The following ANK2 variants were observed in gnomAD, a reference collection of about 807,000 sequenced individuals.
The protein encoded by ANK2 is ankyrin 2.
A neutral mutation model predicts 360.5 loss-of-function variants in ANK2; 83 were observed. The observed-to-expected ratio is 0.23, with a 90% CI of 0.19 to 0.28. The LOEUF is 0.28. ANK2 is among the 10% of genes least tolerant of loss of function. The probability of loss-of-function intolerance (pLI) is 1.00; values close to 1 mark genes in which losing one functional copy is unlikely to be tolerated. For missense variants in ANK2, 4,201 were observed against 4,795.7 expected (o/e 0.88, Z 3.66); for synonymous variants, 1,740 against 1,759.5 (o/e 0.99, Z 0.28).
chr4:113,249,229 C>G (rs193143338), intron 9 of ANK2, among the ~76,000 whole-genome samples: 31 of 152,234 alleles, frequency 2.0e-4, no homozygotes, highest in Middle Eastern at 6.8e-3. Flanking sequence ...TGATGCTTCA[C>G]TTTTGCAAGC....
chr4:113,139,530 A>G (rs1215818321), intron 1 of ANK2, among the ~76,000 whole-genome samples: 1 of 152,174 alleles, frequency 6.6e-6, no homozygotes, highest in African/African-American at 2.4e-5. Context: ...TTCTGTACAC[A>G]CATATTTGTC....
intron 2 of ANK2, among the ~76,000 whole-genome samples, chr4:112,953,943 C>T (rs72892499): frequency 0.07 from 10,612 of 151,522 alleles, 532 homozygotes; most frequent in African/African-American, 0.14. Context: ...CTCTGTCTCC[C>T]CCCGCCCCCG....
chr4:113,332,159 C>CA, intron 28 of ANK2, 89 bp downstream of exon 28: 4 of 1,136,628 alleles, frequency 3.5e-6, no homozygotes, highest in Non-Finnish European at 5.4e-6. Flanking sequence ...TGTCATTGTG[C>CA]CCATGACATG....
chr4:112,719,524 C>G, the ANK2 span, among the ~76,000 whole-genome samples: 1 of 151,872 alleles, frequency 6.6e-6, no homozygotes, highest in Non-Finnish European at 1.5e-5. Flanking sequence ...GTCAGGAGAT[C>G]GAGACCATCC....
At chr4:112,927,075 C>T (rs962147016) in intron 2 of ANK2, among the ~76,000 whole-genome samples, 1 of 152,104 alleles carries the variant, frequency 6.6e-6, no homozygotes, top group Non-Finnish European at 1.5e-5. Flanking sequence ...CTCATTATTA[C>T]AAGAATAGCA....
chr4:113,149,749 G>A (rs2096966675), intron 1 of ANK2, among the ~76,000 whole-genome samples: 4 of 150,960 alleles, frequency 2.6e-5, no homozygotes, highest in South Asian at 2.1e-4. Flanking sequence ...GGTGGCACAC[G>A]CCCATGGTCC....
intron 22 of ANK2, among the ~76,000 whole-genome samples, chr4:113,296,644 A>T (rs541682831): frequency 1.3e-5 from 2 of 152,154 alleles, no homozygotes; most frequent in Non-Finnish European, 2.9e-5. Flanking sequence ...TGTTTCCTTA[A>T]CCTTTGCTTT....
At chr4:112,833,963 A>G (rs1221422330) in intron 1 of ANK2, among the ~76,000 whole-genome samples, 1 of 152,226 alleles carries the variant, frequency 6.6e-6, no homozygotes, top group Admixed American at 6.5e-5. Flanking sequence ...TTGTATGACT[A>G]TATATACATA....
intron 1 of ANK2, among the ~76,000 whole-genome samples, chr4:112,863,524 T>G (rs2150132880): frequency 7.2e-6 from 1 of 139,624 alleles, no homozygotes; most frequent in African/African-American, 2.7e-5. Context: ...CTTTTTTTTT[T>G]TTTTTTTTTT....
chr4:112,821,153 G>T (rs2149519884), intron 1 of ANK2, among the ~76,000 whole-genome samples: 1 of 152,078 alleles, frequency 6.6e-6, no homozygotes, highest in South Asian at 2.1e-4. Context: ...GACCTCAGGT[G>T]ATCCGCCCGC....
chr4:112,777,241 T>G, the ANK2 span, among the ~76,000 whole-genome samples: 2 of 152,138 alleles, frequency 1.3e-5, no homozygotes, highest in Non-Finnish European at 2.9e-5. Context: ...TTTATTTATT[T>G]ATTTATTTAT....
At chr4:112,843,298 A>G (rs940772204) in intron 1 of ANK2, among the ~76,000 whole-genome samples, 2 of 152,200 alleles carry the variant, frequency 1.3e-5, no homozygotes, top group Non-Finnish European at 2.9e-5. Context: ...TTTATATTAA[A>G]TTAGCACTTC....
In ANK2 at chr4:113,207,686, CAAA is replaced by C. The variant is rs34818513; in HGVS notation, c.384+8595_384+8597del. The stretch of plus-strand genomic sequence containing the variant: ...ATCCTTTGAGGCAAGGATCACAAAG[CAAA>C]AAAAAAAAAAAAAAAAAGAAGAAGT... On this transcript the variant is annotated intron_variant, in intron 4 of 45. Transcript: ENST00000357077. Among the ~76,000 whole-genome samples, 345 of 101,610 alleles carry C rather than the reference CAAA, an allele frequency of 3.4e-3. 2 individuals are homozygous for C. Among genetic ancestry groups the C allele is most frequent in the African/African-American group, 0.011 (309 of 28,814 alleles). 66.7% of individuals were successfully genotyped at this position (101,610 alleles called of 152,430 possible).
chr4:113,122,854 A>G (rs1040428501), intron 1 of ANK2, among the ~76,000 whole-genome samples: 2 of 151,824 alleles, frequency 1.3e-5, no homozygotes, highest in African/African-American at 4.8e-5. Context: ...CTTTAAATAA[A>G]TGACTTGCAT....
In ANK2 at chr4:113,130,221, C is replaced by T. The variant is rs532813736; in HGVS notation, c.85-44195C>T. 2.4e-4 allele frequency among the ~76,000 whole-genome samples: 36 copies of T among 152,272 alleles called. 1 individual carries two copies. In the South Asian group the frequency reaches 7.3e-3, roughly 31 times the overall value. ...AGTTGCTCTCCACATACAGATAGAACCCTACACCTAACGAATCTCTCCCTT... is the reference window on the plus strand; with the variant it reads ...AGTTGCTCTCCACATACAGATAGAATCCTACACCTAACGAATCTCTCCCTT... On this transcript the variant is annotated intron_variant, in intron 1 of 45. Coordinates refer to ENST00000357077, the MANE Select transcript of ANK2 (RefSeq NM_001148.6).
Position 113,167,819 on chromosome 4 carries a change from G to A in ANK2, c.85-6597G>A, listed in dbSNP as rs143528277. On this transcript the variant is annotated intron_variant, in intron 1 of 45. Coordinates refer to ENST00000357077, the MANE Select transcript of ANK2 (RefSeq NM_001148.6). ...ATTTCTAACACTATGGATTTGTTTT[G>A]CCAGTTTTTGAACTTTAATAAATGG... Among the ~76,000 whole-genome samples the A allele has an allele frequency of 1.6e-3, 247 of 152,094 alleles. 3 individuals carry two copies. The highest frequency in any genetic ancestry group is 0.014 in the Admixed American group (212 of 15,268).
At chr4:112,862,743 T>C (rs1020849084) in intron 1 of ANK2, among the ~76,000 whole-genome samples, 1 of 152,172 alleles carries the variant, frequency 6.6e-6, no homozygotes, top group Non-Finnish European at 1.5e-5. Flanking sequence ...TTTTAAGGCA[T>C]GAGATAAATG....
chr4:112,833,414 C>T (rs1266490791), intron 1 of ANK2, among the ~76,000 whole-genome samples: 2 of 152,106 alleles, frequency 1.3e-5, no homozygotes, highest in African/African-American at 4.8e-5. Flanking sequence ...TAAGCAGTGA[C>T]TACTCTCATT....
chr4:112,883,809 A>G (rs1460153498), intron 1 of ANK2, among the ~76,000 whole-genome samples: 4 of 150,916 alleles, frequency 2.7e-5, no homozygotes, highest in Non-Finnish European at 5.9e-5. Context: ...TACACTTTAA[A>G]TCAAAGTAAA....
Sources: allele counts gnomAD v4.1 joint callset (sites outside exome capture counted in the v4.1 genomes callset), GRCh38; gene constraint gnomAD v4.1.1; transcripts MANE v1.5; gene names NCBI Gene and HGNC (gene_info 2026-07-23, HGNC 2026-07-21).